PPP2R5C: variants seen among roughly 807,000 people sequenced by gnomAD.
The protein encoded by PPP2R5C is serine/threonine-protein phosphatase 2A 56 kDa regulatory subunit gamma isoform.
A neutral mutation model predicts 68.9 loss-of-function variants in PPP2R5C; 7 were observed. The observed-to-expected ratio is 0.10, with a 90% CI of 0.06 to 0.19. PPP2R5C has a LOEUF of 0.19. PPP2R5C is among the 10% of genes least tolerant of loss of function. The pLI, the probability that PPP2R5C is intolerant of heterozygous loss-of-function variation, is 1.00. For synonymous variants in PPP2R5C, 210 were observed against 222.2 expected, an observed-to-expected ratio of 0.95 and a Z score of 0.49; for missense variants, 348 against 641.3, an observed-to-expected ratio of 0.54 and a Z score of 4.94.
chr14:101,805,332 A>G (rs1044978475), upstream of PPP2R5C, among the ~76,000 whole-genome samples: 3 of 152,174 alleles, frequency 2.0e-5, no homozygotes, highest in African/African-American at 7.2e-5. Context: ...TCCCAAAGAA[A>G]GCGCTGGGAT....
chr14:101,858,058 T>C (rs985533221), intron 2 of PPP2R5C, among the ~76,000 whole-genome samples: 3 of 152,224 alleles, frequency 2.0e-5, no homozygotes, highest in Admixed American at 6.5e-5. Context: ...ATGGCTACCA[T>C]GTAGTCGGCC....
rs898833487 is a variant in PPP2R5C, at chr14:101,841,259, G to T, written c.95-15427G>T. On this transcript the variant is annotated intron_variant, in intron 1 of 13. Coordinates refer to ENST00000334743, the Ensembl canonical transcript of PPP2R5C. ...TTTACTGCTGCTTCCTGTCTTCGAG[G>T]CTTTACAGATATTTGCTAAATGAAG... 3.3e-5 allele frequency among the ~76,000 whole-genome samples: 5 copies of T among 152,158 alleles called. No individual in the cohort carries two copies. The East Asian group carries it at 9.6e-4, about 29-fold the overall frequency.
chr14:101,766,542 C>T (rs763903759), intron 2 of PPP2R5C: 3 of 152,210 alleles, frequency 2.0e-5, no homozygotes, highest in Non-Finnish European at 4.4e-5. Flanking sequence ...AACTGCTGCC[C>T]TGTAACTTTT....
rs1031227818 is a variant in PPP2R5C at position 101,906,224 on chromosome 14, T to C, written c.1024-178T>C. Among the ~76,000 whole-genome samples the C allele has an allele frequency of 6.6e-6, 1 of 152,236 alleles. No homozygotes were observed. The highest frequency in any genetic ancestry group is 1.5e-5 in the Non-Finnish European group (1 of 68,052). On this transcript the variant is annotated intron_variant, in intron 9 of 13. Coordinates refer to ENST00000334743, the Ensembl canonical transcript of PPP2R5C. This position sits in a 1 kb window ranked among gnomAD's most constrained non-coding sequence, Gnocchi z 4.0. ...TGATGTACAAGAAGTTGTCTGCCTC[T>C]TTGTTGAAGGCTCTTCAGGGTTACA... is the stretch of plus-strand genomic sequence containing the variant.
At position 101,916,715 on chromosome 14, in the gene PPP2R5C, CA is replaced by C. The variant is rs1231980271; in HGVS notation, c.1327-1115del. The stretch of plus-strand genomic sequence containing the variant: ...GGTGTGAGGGGCAGGGGTGAGGGGG[CA>C]GGGGGTGAGAGGCAGGGGTGAAGCA... On this transcript the variant is annotated intron_variant, in intron 12 of 13. Coordinates refer to ENST00000334743, the Ensembl canonical transcript of PPP2R5C. The surrounding 1 kb of genome is among the most constrained non-coding windows in gnomAD (Gnocchi z 5.5). Among the ~76,000 whole-genome samples the C allele has an allele frequency of 6.0e-5, 4 of 66,284 alleles. No homozygotes were observed. Among genetic ancestry groups the C allele is most frequent in the African/African-American group, 1.9e-4 (3 of 16,034 alleles). The allele number at this position is 66,284 out of a possible 152,430, so 43.5% of individuals were successfully genotyped here.
intron 1 of PPP2R5C, among the ~76,000 whole-genome samples, chr14:101,821,448 G>GTGTGTGTGT (rs1555386180): frequency 2.9e-4 from 17 of 58,880 alleles, no homozygotes; most frequent in African/African-American, 7.2e-4. Flanking sequence ...GGGGTGGGTG[G>GTGTGTGTGT]GTGGGTGTGT....
At chr14:101,805,352 G>C (rs371602236), upstream of PPP2R5C, among the ~76,000 whole-genome samples, 4 of 152,340 alleles carry the variant, frequency 2.6e-5, no homozygotes, top group African/African-American at 4.8e-5. Context: ...TTACAGGTGT[G>C]AGCCACCACA....
At chr14:101,845,279 A>T (rs2041755691) in intron 1 of PPP2R5C, among the ~76,000 whole-genome samples, 1 of 152,214 alleles carries the variant, frequency 6.6e-6, no homozygotes, top group South Asian at 2.1e-4. Flanking sequence ...TGAGGCTGAG[A>T]ATAATTTCAT....
At chr14:101,905,834 T>G (rs2045990138) in intron 9 of PPP2R5C, among the ~76,000 whole-genome samples, 1 of 152,038 alleles carries the variant, frequency 6.6e-6, no homozygotes, top group Non-Finnish European at 1.5e-5. Flanking sequence ...CTCCCTCTGG[T>G]CCTTGCTCAG....
At chr14:101,785,950 A>G (rs1355058338) in intron 2 of PPP2R5C, 68 bp from the exon 3 acceptor site, 4 of 1,365,950 alleles carry the variant, frequency 2.9e-6, no homozygotes, top group African/African-American at 1.5e-5. Flanking sequence ...ATGTTTTTCT[A>G]TATTTTAATA....
At position 101,883,430 on chromosome 14, in the gene PPP2R5C, A is replaced by C. The variant is rs1489897743; in HGVS notation, c.499-2A>C. The C allele has an allele frequency of 6.2e-7, 1 of 1,612,368 alleles. No homozygotes were observed. Among genetic ancestry groups the C allele is most frequent in the African/African-American group, 1.3e-5 (1 of 74,684 alleles). The stretch of plus-strand genomic sequence containing the variant: ...CCACTAAGTGTCTTTTTCTTCTCAA[A>C]GCTTTTAGAGCTCTTTGACAGTGAA... On this transcript the variant is annotated splice_acceptor_variant, in intron 4 of 13. Coordinates refer to ENST00000334743, the Ensembl canonical transcript of PPP2R5C. LOFTEE classifies it high-confidence loss of function.
chr14:101,777,339 T>A (rs1303575986), intron 2 of PPP2R5C, among the ~76,000 whole-genome samples: 1 of 151,982 alleles, frequency 6.6e-6, no homozygotes, highest in African/African-American at 2.4e-5. Flanking sequence ...TGCTGGGTCA[T>A]ATGGATGGTC....
chr14:101,842,539 C>T (rs796339025), intron 1 of PPP2R5C, among the ~76,000 whole-genome samples: 5 of 152,278 alleles, frequency 3.3e-5, no homozygotes, highest in African/African-American at 1.2e-4. Flanking sequence ...GTGCTGGTGA[C>T]AGGCATGAGG....
chr14:101,834,141 G>A (rs1204279696), intron 1 of PPP2R5C, among the ~76,000 whole-genome samples: 1 of 152,180 alleles, frequency 6.6e-6, no homozygotes, highest in Non-Finnish European at 1.5e-5. Flanking sequence ...CTTCCTCTGG[G>A]TGGCAAATGT....
chr14:101,874,370 C>T (rs897495891), intron 2 of PPP2R5C, among the ~76,000 whole-genome samples: 3 of 152,140 alleles, frequency 2.0e-5, no homozygotes, highest in East Asian at 1.9e-4. Context: ...GATAGCTGTT[C>T]GCTATAAAAT....
intron 8 of PPP2R5C, among the ~76,000 whole-genome samples, chr14:101,897,316 T>A (rs183545674): frequency 2.0e-5 from 3 of 152,124 alleles, no homozygotes; most frequent in African/African-American, 7.2e-5. Context: ...ATTTTTTTTT[T>A]AAACTGTATT....
upstream of PPP2R5C, chr14:101,760,613 C>T: frequency 2.7e-6 from 2 of 750,688 alleles, no homozygotes; most frequent in Non-Finnish European, 3.1e-6. Context: ...AAGGACGGGA[C>T]TGTCGGGTAG....
intron 2 of PPP2R5C, among the ~76,000 whole-genome samples, chr14:101,864,932 G>A (rs911083342): frequency 6.6e-6 from 1 of 152,200 alleles, no homozygotes; most frequent in Non-Finnish European, 1.5e-5. Flanking sequence ...AACATCTGCT[G>A]CGGCATTTCA....
At chr14:101,771,266 T>TGTGTGTA (rs1399197887) in intron 2 of PPP2R5C, among the ~76,000 whole-genome samples, 1 of 150,624 alleles carries the variant, frequency 6.6e-6, no homozygotes, top group Non-Finnish European at 1.5e-5. Context: ...TGTGTGTGTA[T>TGTGTGTA]TTTTTTGAGA....
Sources: gnomAD v4.1 joint callset for allele counts (sites outside exome capture counted in the v4.1 genomes callset) on GRCh38, gnomAD v4.1.1 for gene constraint, Gnocchi (gnomAD v3.1) non-coding constraint, MANE v1.5 for transcripts, NCBI Gene and HGNC (gene_info 2026-07-23, HGNC 2026-07-21) for gene names.